The following ITSN1 variants were observed in gnomAD, a reference collection of about 807,000 sequenced individuals.
The protein encoded by ITSN1 is intersectin-1.
A neutral mutation model predicts 239.8 loss-of-function variants in ITSN1; 58 were observed. The ratio of observed to expected loss-of-function variants is 0.24; its 90% CI spans 0.20 to 0.30. The LOEUF is 0.30. ITSN1 is among the 10% of genes least tolerant of loss of function. The probability of loss-of-function intolerance (pLI) is 1.00; values close to 1 mark genes in which losing one functional copy is unlikely to be tolerated. For missense variants in ITSN1, 1,558 were observed against 2,103.3 expected (o/e 0.74, Z 5.07); for synonymous variants, 780 against 770.8 (o/e 1.01, Z -0.20).
chr21:33,758,055 A>T (rs551410448), intron 8 of ITSN1, among the ~76,000 whole-genome samples: 14 of 152,000 alleles, frequency 9.2e-5, no homozygotes, highest in African/African-American at 2.4e-4. Context: ...TAATTTTTTT[A>T]AAAAAGTTTT....
At chr21:33,706,668 T>C (rs2092258781) in intron 1 of ITSN1, among the ~76,000 whole-genome samples, 1 of 152,216 alleles carries the variant, frequency 6.6e-6, no homozygotes. Flanking sequence ...ATTCACAATC[T>C]GAGATCTGCC....
intron 5 of ITSN1, among the ~76,000 whole-genome samples, chr21:33,741,894 CAAAAAAAAAAA>C (rs57036929): frequency 2.7e-5 from 2 of 74,142 alleles, no homozygotes; most frequent in Admixed American, 1.9e-4. Context: ...GATTCCGTCT[CAAAAAAAAAAA>C]AAAAAAAAAA....
At chr21:33,746,992 A>G (rs938769357) in intron 5 of ITSN1, among the ~76,000 whole-genome samples, 1 of 152,202 alleles carries the variant, frequency 6.6e-6, no homozygotes, top group African/African-American at 2.4e-5. Context: ...CGTCTCTACT[A>G]AAAATGCAGA....
chr21:33,706,703 A>C lies in ITSN1; in HGVS notation c.-32-12094A>C, dbSNP rs1248584083. 2.0e-5 allele frequency among the ~76,000 whole-genome samples: 3 copies of C among 152,258 alleles called. No homozygotes were observed. The East Asian group carries it at 5.8e-4, about 29-fold the overall frequency. On this transcript the variant is annotated intron_variant, in intron 1 of 39. Coordinates refer to ENST00000381318, the MANE Select transcript of ITSN1 (RefSeq NM_003024.3). Reference sequence around the variant, plus strand: ...CACTTAACTTGCTCAGAAGCCTTACAGTCCACACCATTTGTTCTATCCTTT... The same window carrying C: ...CACTTAACTTGCTCAGAAGCCTTACCGTCCACACCATTTGTTCTATCCTTT...
At chr21:33,771,468 C>T (rs2069154603) in intron 11 of ITSN1, among the ~76,000 whole-genome samples, 1 of 151,868 alleles carries the variant, frequency 6.6e-6, no homozygotes, top group Non-Finnish European at 1.5e-5. Flanking sequence ...ATAAAATGGA[C>T]ATAAAGTATT....
intron 1 of ITSN1, among the ~76,000 whole-genome samples, chr21:33,680,314 T>G (rs1335261306): frequency 6.6e-6 from 1 of 151,422 alleles, no homozygotes; most frequent in African/African-American, 2.4e-5. Flanking sequence ...CCGTATTTTC[T>G]TTTTCTTTCT....
chr21:33,744,475 TC>T (rs1329688731), intron 5 of ITSN1, among the ~76,000 whole-genome samples: 1 of 152,222 alleles, frequency 6.6e-6, no homozygotes, highest in Admixed American at 6.5e-5. Context: ...TCTATTTGTC[TC>T]CTAGTTCTGT....
intron 5 of ITSN1, among the ~76,000 whole-genome samples, chr21:33,736,583 C>CA (rs1315205926): frequency 6.6e-6 from 1 of 152,228 alleles, no homozygotes; most frequent in Non-Finnish European, 1.5e-5. Context: ...AGTGTGTGCT[C>CA]ACAATGTTTA....
chr21:33,784,589 G>C (rs1374686509), intron 16 of ITSN1, among the ~76,000 whole-genome samples: 1 of 152,224 alleles, frequency 6.6e-6, no homozygotes. Context: ...GGAGGACTTA[G>C]TGAATATGTT....
intron 16 of ITSN1, among the ~76,000 whole-genome samples, chr21:33,785,552 T>C (rs2070593490): frequency 6.6e-6 from 1 of 152,236 alleles, no homozygotes; most frequent in African/African-American, 2.4e-5. Context: ...TCCCATTTTC[T>C]TCAGTTCAGG....
At chr21:33,726,771 C>T (rs1055892969) in intron 4 of ITSN1, among the ~76,000 whole-genome samples, 2 of 152,228 alleles carry the variant, frequency 1.3e-5, no homozygotes, top group African/African-American at 4.8e-5. Flanking sequence ...GTCTGCCCGC[C>T]TCAGCCTCCC....
intron 10 of ITSN1, among the ~76,000 whole-genome samples, chr21:33,766,849 G>C (rs1049570673): frequency 5.3e-5 from 8 of 152,158 alleles, no homozygotes; most frequent in Non-Finnish European, 1.2e-4. Context: ...ATTGGGAGAC[G>C]GTTTAAACAC....
chr21:33,741,531 G>A (rs913131380), intron 5 of ITSN1, among the ~76,000 whole-genome samples: 15 of 152,042 alleles, frequency 9.9e-5, no homozygotes, highest in African/African-American at 3.6e-4. Context: ...AACTTACTCA[G>A]TAAAGCCCAA....
intron 25 of ITSN1, among the ~76,000 whole-genome samples, chr21:33,826,334 AAAAG>A (rs2073969879): frequency 6.6e-6 from 1 of 152,246 alleles, no homozygotes; most frequent in Non-Finnish European, 1.5e-5. Flanking sequence ...AGTTTTTTAA[AAAAG>A]AAAGCTCCTG....
chr21:33,802,519 G>A, intron 20 of ITSN1, 75 bp downstream of exon 20: 1 of 1,382,260 alleles, frequency 7.2e-7, no homozygotes, highest in Non-Finnish European at 1.0e-6. Flanking sequence ...TGAATTCTGT[G>A]TAAGTACACG....
intron 20 of ITSN1, among the ~76,000 whole-genome samples, chr21:33,806,047 C>CAAAA (rs762086740): frequency 8.8e-6 from 1 of 113,008 alleles, no homozygotes; most frequent in East Asian, 2.4e-4. Flanking sequence ...ACTAAAAATA[C>CAAAA]AAAAAAAAAA....
At chr21:33,738,442 C>A in intron 5 of ITSN1, among the ~76,000 whole-genome samples, 1 of 152,054 alleles carries the variant, frequency 6.6e-6, no homozygotes, top group African/African-American at 2.4e-5. Flanking sequence ...CACTCTGTCG[C>A]CCAGGCTGGA....
intron 1 of ITSN1, among the ~76,000 whole-genome samples, chr21:33,655,242 A>T: frequency 6.6e-6 from 1 of 152,006 alleles, no homozygotes; most frequent in East Asian, 1.9e-4. Flanking sequence ...GAAGGAAGAA[A>T]TTTTGAAGTT....
Position 33,750,289 on chromosome 21 carries a change from G to C in ITSN1, c.493G>C (p.Val165Leu). Residue 165 changes from valine (V) to leucine (L), a missense_variant, in exon 6 of 40, where the codon GTT (valine) becomes CTT (leucine). By Grantham distance (32) the Val-to-Leu change is conservative. Around this residue, in one of 2 missense-constraint regions of ITSN1, gnomAD observed 982 missense variants for 1,209.9 expected, o/e 0.81. Coordinates refer to ENST00000381318, the MANE Select transcript of ITSN1 (RefSeq NM_003024.3). ...CCCCCTGGCTAACGGGGCTCCCCCT[G>C]TTATACAACCTCTGCCTGCATTTGC... ...VPPLANGAPP[V>L]IQPLPAFAHP... The C allele has an allele frequency of 2.5e-6, 4 of 1,613,694 alleles. No individual in the cohort carries two copies. The highest frequency in any genetic ancestry group is 3.4e-6 in the Non-Finnish European group (4 of 1,180,028).
Sources: gnomAD v4.1 joint callset for allele counts (sites outside exome capture counted in the v4.1 genomes callset) on GRCh38, gnomAD v4.1.1 for gene constraint, gnomAD v4.1.1 regional missense constraint, MANE v1.5 for transcripts, NCBI Gene and HGNC (gene_info 2026-07-23, HGNC 2026-07-21) for gene names.